Variants in BLTP1 observed in about 807,000 individuals in gnomAD.
BLTP1 encodes the protein fragile site-associated protein.
the BLTP1 span, among the ~76,000 whole-genome samples, chr4:122,248,811 A>G: frequency 6.6e-6 from 1 of 152,090 alleles, no homozygotes; most frequent in African/African-American, 2.4e-5. Context: ...CTGGGTTTGC[A>G]AAGTGATCTC....
At chr4:122,305,283 A>G in the BLTP1 span, 1 of 974,738 alleles carries the variant, frequency 1.0e-6, no homozygotes, top group African/African-American at 1.8e-5. Context: ...GTCTTGTGCT[A>G]ACATTACTCA....
chr4:122,310,680 A>G, the BLTP1 span, among the ~76,000 whole-genome samples: 2 of 152,262 alleles, frequency 1.3e-5, no homozygotes, highest in African/African-American at 4.8e-5. Context: ...TGTGGTTCAT[A>G]TGACCTACTT....
chr4:122,320,055 C>A, the BLTP1 span, among the ~76,000 whole-genome samples: 1 of 152,056 alleles, frequency 6.6e-6, no homozygotes, highest in Non-Finnish European at 1.5e-5. Context: ...ATGTCCATTT[C>A]TGATAAAGGG....
chr4:122,154,537 T>A, the BLTP1 span: 1 of 952,132 alleles, frequency 1.1e-6, no homozygotes, highest in African/African-American at 1.8e-5. Context: ...TCTCTTTTGC[T>A]TGCTCTTTAA....
At chr4:122,207,496 G>C in the BLTP1 span, 2 of 1,463,992 alleles carry the variant, frequency 1.4e-6, no homozygotes, top group Non-Finnish European at 1.8e-6. Flanking sequence ...GACATTAAAA[G>C]TAAATTTACT....
the BLTP1 span, chr4:122,175,760 CA>C: frequency 1.2e-6 from 1 of 810,214 alleles, no homozygotes; most frequent in South Asian, 1.6e-5. Flanking sequence ...TTTCCTTGTT[CA>C]TTATCAATTG....
At chr4:122,228,678 A>T in the BLTP1 span, among the ~76,000 whole-genome samples, 2 of 151,724 alleles carry the variant, frequency 1.3e-5, no homozygotes, top group Non-Finnish European at 2.9e-5. Context: ...AAATAAAATT[A>T]ATGTGGATTG....
At chr4:122,279,980 G>A in the BLTP1 span, 4 of 1,613,916 alleles carry the variant, frequency 2.5e-6, no homozygotes, top group South Asian at 4.4e-5. Flanking sequence ...GCCTTCTACA[G>A]CGTAAGTTAT....
At chr4:122,254,134 C>T in the BLTP1 span, 1 of 1,511,408 alleles carries the variant, frequency 6.6e-7, no homozygotes. Context: ...ACATTAGCCT[C>T]TGTGTTAGTG....
the BLTP1 span, chr4:122,207,527 T>TTTTTTTTTTTTTTG: frequency 6.5e-7 from 1 of 1,541,334 alleles, no homozygotes; most frequent in Non-Finnish European, 8.6e-7. Flanking sequence ...TTTTTTTTTT[T>TTTTTTTTTTTTTTG]TTTTCTTTTG....
the BLTP1 span, chr4:122,244,948 GAT>G: frequency 6.5e-7 from 1 of 1,539,152 alleles, no homozygotes; most frequent in Middle Eastern, 1.7e-4. Context: ...TACGTTTCAT[GAT>G]ATGTTTACAT....
the BLTP1 span, among the ~76,000 whole-genome samples, chr4:122,346,200 T>G: frequency 6.6e-6 from 1 of 152,198 alleles, no homozygotes; most frequent in Non-Finnish European, 1.5e-5. Flanking sequence ...AAAATGTTTT[T>G]TGTCTAAAGT....
At chr4:122,156,498 A>G in the BLTP1 span, among the ~76,000 whole-genome samples, 1 of 152,242 alleles carries the variant, frequency 6.6e-6, no homozygotes, top group Non-Finnish European at 1.5e-5. Flanking sequence ...GGACAACTAA[A>G]GTATCCATTG....
chr4:122,251,449 A>G, the BLTP1 span: 1 of 918,040 alleles, frequency 1.1e-6, no homozygotes, highest in Non-Finnish European at 1.3e-6. Flanking sequence ...TTTTTAAAAC[A>G]TTTGTTTTTA....
chr4:122,339,409 G>A, the BLTP1 span: 3 of 1,605,920 alleles, frequency 1.9e-6, no homozygotes, highest in Non-Finnish European at 2.6e-6. Flanking sequence ...GGAATACCAG[G>A]TATAGATAAT....
the BLTP1 span, chr4:122,286,251 C>T: frequency 1.6e-5 from 3 of 191,278 alleles, no homozygotes; most frequent in African/African-American, 7.1e-5. Flanking sequence ...TATTTCTGTT[C>T]TACCTTCTAT....
the BLTP1 span, among the ~76,000 whole-genome samples, chr4:122,171,036 T>C: frequency 0.012 from 1,857 of 152,256 alleles, 36 homozygotes; most frequent in African/African-American, 0.041. Flanking sequence ...ACTTCTCGAC[T>C]CAACACACAC....
chr4:122,236,527 A>G, the BLTP1 span, among the ~76,000 whole-genome samples: 1 of 152,188 alleles, frequency 6.6e-6, no homozygotes, highest in Non-Finnish European at 1.5e-5. Context: ...GAGGCCTGTC[A>G]GTGAGACTGA....
chr4:122,239,688 A>G, the BLTP1 span: 2 of 1,614,116 alleles, frequency 1.2e-6, no homozygotes, highest in East Asian at 4.5e-5. Context: ...GCAGCCTGTA[A>G]CAGTTGGAGT....
Sources: gnomAD v4.1 joint callset for allele counts (sites outside exome capture counted in the v4.1 genomes callset) on GRCh38, gnomAD v4.1.1 for gene constraint, MANE v1.5 for transcripts, NCBI Gene and HGNC (gene_info 2026-07-23, HGNC 2026-07-21) for gene names.